CCDC149: variants seen among roughly 807,000 people sequenced by gnomAD.
CCDC149 encodes coiled-coil domain containing 149.
CCDC149 carries 45 observed loss-of-function variants against 59.9 expected under a neutral mutation model. The ratio of observed to expected loss-of-function variants is 0.75; its 90% CI spans 0.59 to 0.96. CCDC149 has a LOEUF of 0.96. CCDC149 is among the 40% of genes least tolerant of loss of function. The pLI, the probability that CCDC149 is intolerant of heterozygous loss-of-function variation, is 0.00. For synonymous variants in CCDC149, 245 were observed against 260.6 expected (o/e 0.94, Z 0.58); for missense variants, 584 against 664.7 (o/e 0.88, Z 1.33).
chr4:24,853,190 C>T lies in CCDC149; in HGVS notation c.265-11G>A. 1 of 1,558,864 alleles carries T rather than the reference C, an allele frequency of 6.4e-7. No individual in the cohort carries two copies. Among genetic ancestry groups the T allele is most frequent in the Non-Finnish European group, 8.8e-7 (1 of 1,130,434 alleles). On this transcript the variant is annotated splice_polypyrimidine_tract_variant and intron_variant, in intron 3 of 12. Transcript: ENST00000635206. ...TTGTGCAAGATTAGCCTAGAAATATCAACACATTATGAAATACAATCAGAA... is the reference window on the plus strand; with the variant it reads ...TTGTGCAAGATTAGCCTAGAAATATTAACACATTATGAAATACAATCAGAA...
At chr4:24,818,577 A>C (rs1351358041) in intron 12 of CCDC149, among the ~76,000 whole-genome samples, 1 of 152,236 alleles carries the variant, frequency 6.6e-6, no homozygotes, top group Non-Finnish European at 1.5e-5. Context: ...GGCGCCCATG[A>C]AAAGCTGACC....
At chr4:24,865,637 T>G (rs1347580536) in intron 3 of CCDC149, among the ~76,000 whole-genome samples, 1 of 152,234 alleles carries the variant, frequency 6.6e-6, no homozygotes, top group Non-Finnish European at 1.5e-5. Context: ...TGTGAATGAA[T>G]GCATTTCCAG....
At chr4:24,958,252 A>G (rs937293242) in intron 1 of CCDC149, among the ~76,000 whole-genome samples, 1 of 152,222 alleles carries the variant, frequency 6.6e-6, no homozygotes, top group East Asian at 1.9e-4. Context: ...AACTAGCCAC[A>G]TTGAAGCAAA....
chr4:24,878,543 A>C (rs1577442159), intron 1 of CCDC149, among the ~76,000 whole-genome samples: 1 of 152,348 alleles, frequency 6.6e-6, no homozygotes, highest in South Asian at 2.1e-4. Flanking sequence ...CACAGGAAAA[A>C]TACCATTTAC....
intron 2 of CCDC149, 97 bp from the exon 3 acceptor site, chr4:24,873,816 T>TGGGGGCCCC: frequency 2.6e-6 from 2 of 762,720 alleles, no homozygotes; most frequent in Non-Finnish European, 4.4e-6. Context: ...ATGTAGACTC[T>TGGGGGCCCC]CCCCACCCTC....
intron 1 of CCDC149, among the ~76,000 whole-genome samples, chr4:24,886,658 T>G (rs549087050): frequency 3.3e-4 from 51 of 152,370 alleles, no homozygotes; most frequent in Middle Eastern, 3.4e-3. Flanking sequence ...TTGTGTTTTT[T>G]GAATAAAGAT....
chr4:24,846,968 G>C (rs1419224342), intron 4 of CCDC149, among the ~76,000 whole-genome samples: 1 of 152,190 alleles, frequency 6.6e-6, no homozygotes, highest in Non-Finnish European at 1.5e-5. Flanking sequence ...TGCCGCTTCT[G>C]GCATATCCTA....
intron 1 of CCDC149, among the ~76,000 whole-genome samples, chr4:24,973,389 C>T (rs1250590271): frequency 1.3e-5 from 2 of 152,154 alleles, no homozygotes; most frequent in African/African-American, 4.8e-5. Context: ...CATGGGTGTA[C>T]ACATATGTCA....
rs546423365 is a variant in CCDC149, at chr4:24,945,453, G to A, written c.-65+34616C>T. 7.4e-4 allele frequency among the ~76,000 whole-genome samples: 113 copies of A among 152,212 alleles called. No homozygotes were observed. In the Middle Eastern group the frequency reaches 0.014, roughly 18 times the overall value. ...GCTAAGGAAAACCAATGAATTGCTA[G>A]CAACTCTAGGAACTAGGAAGAGGCA... On this transcript the variant is annotated intron_variant, in intron 1 of 12. Coordinates refer to the CCDC149 transcript ENST00000389609.
At chr4:24,815,116 C>T (rs73101508) in intron 12 of CCDC149, among the ~76,000 whole-genome samples, 4,134 of 152,186 alleles carry the variant, frequency 0.027, 183 homozygotes, top group African/African-American at 0.094. Flanking sequence ...AATATATGAA[C>T]GATATACATG....
At chr4:24,938,758 G>A (rs957600031) in intron 1 of CCDC149, among the ~76,000 whole-genome samples, 4 of 152,228 alleles carry the variant, frequency 2.6e-5, no homozygotes, top group Admixed American at 6.5e-5. Context: ...TCCCGCACAT[G>A]GCTCGGAGGG....
At chr4:24,957,489 T>A (rs1371219380) in intron 1 of CCDC149, among the ~76,000 whole-genome samples, 1 of 152,198 alleles carries the variant, frequency 6.6e-6, no homozygotes, top group Non-Finnish European at 1.5e-5. Flanking sequence ...CATAGTACAA[T>A]CCCATTCAGG....
At chr4:24,813,917 T>C (rs1714840332) in intron 12 of CCDC149, among the ~76,000 whole-genome samples, 1 of 152,190 alleles carries the variant, frequency 6.6e-6, no homozygotes, top group African/African-American at 2.4e-5. Flanking sequence ...AGCAGCGATG[T>C]GATAACAAAC....
Position 24,931,829 on chromosome 4 carries a change from G to GTATATATATGTGTATATATA in CCDC149, c.-64-36712_-64-36711insTATATATACACATATATATA, listed in dbSNP as rs60585956. Reference sequence around the variant, plus strand: ...CTCCCTTATATTGTATGGAGAGTATGTATATATATATATATATATATATGC... The same window carrying GTATATATATGTGTATATATA: ...CTCCCTTATATTGTATGGAGAGTATGTATATATATGTGTATATATATATATATATATATATATATATATGC... On this transcript the variant is annotated intron_variant, in intron 1 of 12. Coordinates refer to the CCDC149 transcript ENST00000389609. Among the ~76,000 whole-genome samples the GTATATATATGTGTATATATA allele has an allele frequency of 4.9e-3, 378 of 76,930 alleles. 31 individuals are homozygous for GTATATATATGTGTATATATA. In the East Asian group the frequency reaches 0.13, roughly 26 times the overall value. The allele number at this position is 76,930 out of a possible 152,430, so 50.5% of individuals were successfully genotyped here. A position where few individuals can be genotyped will look rare whatever the true frequency, so the allele number is the denominator to read the frequency against.
chr4:24,944,789 T>G (rs985244683), intron 1 of CCDC149, among the ~76,000 whole-genome samples: 1 of 152,170 alleles, frequency 6.6e-6, no homozygotes, highest in Non-Finnish European at 1.5e-5. Context: ...AGAGCTTTTA[T>G]GCAATGACTT....
At chr4:24,820,663 T>C (rs1715334038) in intron 11 of CCDC149, among the ~76,000 whole-genome samples, 1 of 152,212 alleles carries the variant, frequency 6.6e-6, no homozygotes, top group Non-Finnish European at 1.5e-5. Context: ...TTTTTCCTTT[T>C]ACTTTCACCA....
At chr4:24,928,876 T>C (rs538819631) in intron 1 of CCDC149, among the ~76,000 whole-genome samples, 1 of 152,310 alleles carries the variant, frequency 6.6e-6, no homozygotes, top group East Asian at 1.9e-4. Context: ...GTGAACTTCA[T>C]GTGACAGGCG....
chr4:24,842,646 A>C (rs1717008652), intron 4 of CCDC149, among the ~76,000 whole-genome samples: 2 of 152,316 alleles, frequency 1.3e-5, no homozygotes, highest in South Asian at 4.1e-4. Flanking sequence ...GTGCAGCTGC[A>C]GCTGGGAAGT....
intron 1 of CCDC149, among the ~76,000 whole-genome samples, chr4:24,972,938 G>A (rs1236843450): frequency 1.3e-5 from 2 of 152,142 alleles, no homozygotes; most frequent in Admixed American, 1.3e-4. Context: ...AAGGGTTTGA[G>A]CAGGAAACAT....
Sources: allele counts gnomAD v4.1 joint callset (sites outside exome capture counted in the v4.1 genomes callset), GRCh38; gene constraint gnomAD v4.1.1; transcripts MANE v1.5; gene names NCBI Gene and HGNC (gene_info 2026-07-23, HGNC 2026-07-21).